The following ZC3H12B variants were observed in gnomAD, a reference collection of about 807,000 sequenced individuals.
ZC3H12B encodes zinc finger CCCH-type containing 12B.
ZC3H12B carries 7 observed loss-of-function variants against 43.9 expected under a neutral mutation model. The observed-to-expected ratio is 0.16, with a 90% confidence interval of 0.09 to 0.30. ZC3H12B has a LOEUF of 0.30. Among genes scored for constraint, ZC3H12B ranks in the 10% least tolerant of loss-of-function variants. The probability of loss-of-function intolerance (pLI) is 1.00; values close to 1 mark genes in which losing one functional copy is unlikely to be tolerated. For synonymous variants in ZC3H12B, 222 were observed against 241.7 expected (o/e 0.92, Z 0.76); for missense variants, 475 against 670.2 (o/e 0.71, Z 3.22).
At chrX:65,095,791 A>T in the ZC3H12B span, among the ~76,000 whole-genome samples, 4 of 110,969 alleles carry the variant, frequency 3.6e-5, no homozygotes, top group Non-Finnish European at 7.5e-5. Flanking sequence ...ATCCTGTTTC[A>T]CCTAAGGGGA....
the ZC3H12B span, among the ~76,000 whole-genome samples, chrX:65,354,091 C>A: frequency 1.8e-5 from 2 of 112,158 alleles, no homozygotes; most frequent in Non-Finnish European, 3.8e-5. Context: ...AGCACCAGAT[C>A]TCCCAGCACA....
At chrX:65,083,933 A>G in the ZC3H12B span, among the ~76,000 whole-genome samples, 8 of 111,845 alleles carry the variant, frequency 7.2e-5, no homozygotes, top group African/African-American at 2.6e-4. Flanking sequence ...GGAACAGAAT[A>G]GAGAACCCAG....
the ZC3H12B span, among the ~76,000 whole-genome samples, chrX:65,211,831 CTATATAA>C: frequency 1.4e-5 from 1 of 73,599 alleles, no homozygotes; most frequent in African/African-American, 5.6e-5. Context: ...ATTATGTATA[CTATATAA>C]TATATAATAT....
chrX:65,087,672 A>T, the ZC3H12B span, among the ~76,000 whole-genome samples: 2 of 111,878 alleles, frequency 1.8e-5, no homozygotes, highest in Non-Finnish European at 3.8e-5. Flanking sequence ...GTGATCCATT[A>T]CAGATAAAGG....
At chrX:65,339,619 C>T in the ZC3H12B span, among the ~76,000 whole-genome samples, 336 of 111,831 alleles carry the variant, frequency 3.0e-3, 1 homozygote, top group Non-Finnish European at 5.4e-3. Context: ...CAGACCTGAA[C>T]TCTACAGGGT....
the ZC3H12B span, among the ~76,000 whole-genome samples, chrX:65,063,752 C>T: frequency 8.9e-6 from 1 of 111,883 alleles, no homozygotes; most frequent in Admixed American, 9.4e-5. Context: ...TTCTTTGTAC[C>T]TCTGGTAGAA....
the ZC3H12B span, among the ~76,000 whole-genome samples, chrX:65,123,677 G>A: frequency 9.4e-6 from 1 of 106,724 alleles, no homozygotes; most frequent in African/African-American, 3.4e-5. Flanking sequence ...TAGTTTTCTT[G>A]TAGAGTCCTT....
chrX:65,494,588 C>A (rs2068250739), intron 1 of ZC3H12B, among the ~76,000 whole-genome samples: 1 of 110,344 alleles, frequency 9.1e-6, no homozygotes. Context: ...CAAGACCAGC[C>A]TTGGCAACAT....
chrX:65,267,130 C>A, the ZC3H12B span, among the ~76,000 whole-genome samples: 1 of 109,661 alleles, frequency 9.1e-6, no homozygotes, highest in Non-Finnish European at 1.9e-5. Flanking sequence ...AAAAGCCTGC[C>A]TAAGTTTTGA....
At chrX:65,349,614 C>A in the ZC3H12B span, among the ~76,000 whole-genome samples, 1 of 110,266 alleles carries the variant, frequency 9.1e-6, no homozygotes, top group Admixed American at 9.7e-5. Context: ...GATAGCCAGA[C>A]TAATAAAAAA....
chrX:65,102,531 GC>G, the ZC3H12B span, among the ~76,000 whole-genome samples: 947 of 112,231 alleles, frequency 8.4e-3, 11 homozygotes, highest in Admixed American at 0.044. Context: ...AGCAACGTCA[GC>G]AAAGTCTCAG....
At chrX:65,329,821 C>T in the ZC3H12B span, among the ~76,000 whole-genome samples, 5 of 111,391 alleles carry the variant, frequency 4.5e-5, no homozygotes, top group East Asian at 2.8e-4. Context: ...TTCCCCATTG[C>T]TTGTTTTTGT....
At chrX:65,378,996 G>A (rs992854052) in intron 2 of ZC3H12B, among the ~76,000 whole-genome samples, 1 of 112,300 alleles carries the variant, frequency 8.9e-6, no homozygotes, top group South Asian at 3.7e-4. Flanking sequence ...ACAGCAGTCT[G>A]CGATCAAACT....
the ZC3H12B span, among the ~76,000 whole-genome samples, chrX:65,156,746 G>T: frequency 9.1e-6 from 1 of 110,468 alleles, no homozygotes; most frequent in Non-Finnish European, 1.9e-5. Context: ...TAACTCCTGG[G>T]CTCAAGCAAT....
intron 2 of ZC3H12B, among the ~76,000 whole-genome samples, chrX:65,374,135 ATATAAC>A (rs1238912349): frequency 4.0e-5 from 3 of 75,640 alleles, no homozygotes; most frequent in African/African-American, 1.7e-4. Context: ...TATAGTGTAT[ATATAAC>A]TATATATACA....
At chrX:65,129,286 C>T in the ZC3H12B span, among the ~76,000 whole-genome samples, 3 of 95,696 alleles carry the variant, frequency 3.1e-5, no homozygotes, top group African/African-American at 1.6e-4. Context: ...TATATACACA[C>T]ACTAGAATAT....
the ZC3H12B span, among the ~76,000 whole-genome samples, chrX:65,148,164 G>C: frequency 9.0e-6 from 1 of 111,413 alleles, no homozygotes; most frequent in Non-Finnish European, 1.9e-5. Flanking sequence ...GTGCCAGCCT[G>C]GTTCCTGAGG....
the ZC3H12B span, among the ~76,000 whole-genome samples, chrX:65,215,048 A>G: frequency 9.0e-6 from 1 of 111,488 alleles, no homozygotes; most frequent in East Asian, 2.8e-4. Context: ...GTAGGTCCCA[A>G]AAACGGGCTT....
At chrX:65,113,985 GTATATATATATATATATATA>G in the ZC3H12B span, among the ~76,000 whole-genome samples, 2,170 of 47,453 alleles carry the variant, frequency 0.046, 132 homozygotes, top group East Asian at 0.15. Flanking sequence ...AGATATGCTT[GTATATATATATATATATATA>G]TATATATATA....
Sources: allele counts gnomAD v4.1 joint callset (sites outside exome capture counted in the v4.1 genomes callset), GRCh38; gene constraint gnomAD v4.1.1; transcripts MANE v1.5; gene names NCBI Gene and HGNC (gene_info 2026-07-23, HGNC 2026-07-21).